Variants in SPAST observed in about 807,000 individuals in gnomAD.
SPAST encodes the protein spastin.
SPAST carries 30 observed loss-of-function variants against 76.6 expected under a neutral mutation model. That is an observed-to-expected ratio of 0.39 (90% confidence interval 0.29 to 0.53). The LOEUF is 0.53. Ranked by LOEUF, SPAST falls within the 20% of genes least tolerant of loss-of-function variation. The pLI is 0.68. For synonymous variants in SPAST, 305 were observed against 281.0 expected (o/e 1.09, Z -0.86); for missense variants, 717 against 770.5 (o/e 0.93, Z 0.82).
chr2:32,130,291 T>A (rs373456949), intron 9 of SPAST: 1 of 152,080 alleles, frequency 6.6e-6, no homozygotes, highest in East Asian at 1.9e-4. Flanking sequence ...CAAGACCACG[T>A]CTCAAAAACA....
intron 12 of SPAST, among the ~76,000 whole-genome samples, chr2:32,140,943 G>GTTT (rs35964074): frequency 7.7e-5 from 9 of 117,222 alleles, no homozygotes; most frequent in Non-Finnish European, 9.5e-5. Flanking sequence ...TGTTGTTGTT[G>GTTT]TTTTTTTTTT....
At chr2:32,115,226 G>C (rs1387011601) in intron 5 of SPAST, among the ~76,000 whole-genome samples, 5 of 152,262 alleles carry the variant, frequency 3.3e-5, no homozygotes, top group Non-Finnish European at 5.9e-5. Context: ...GGGATTACAG[G>C]CGTGAGCCAC....
chr2:32,107,163 T>C (rs1678355323), intron 4 of SPAST, among the ~76,000 whole-genome samples: 2 of 152,122 alleles, frequency 1.3e-5, no homozygotes, highest in Admixed American at 1.3e-4. Context: ...TTGAACTTTG[T>C]CTTATTTCAT....
chr2:32,119,742 C>A (rs1201152878), intron 7 of SPAST, among the ~76,000 whole-genome samples: 6 of 152,128 alleles, frequency 3.9e-5, no homozygotes, highest in Non-Finnish European at 8.8e-5. Context: ...CATGCCCTCT[C>A]CTCTCGCCCA....
At chr2:32,099,304 A>G (rs1474451814) in intron 4 of SPAST, among the ~76,000 whole-genome samples, 2 of 152,174 alleles carry the variant, frequency 1.3e-5, no homozygotes, top group African/African-American at 4.8e-5. Context: ...TTTCATTTAT[A>G]GTATATGTGA....
chr2:32,115,650 A>G, intron 5 of SPAST, 52 bp from the exon 6 acceptor site: 1 of 1,374,870 alleles, frequency 7.3e-7, no homozygotes. Flanking sequence ...TTATTTATGA[A>G]AAGTGTAAAT....
intron 12 of SPAST, among the ~76,000 whole-genome samples, chr2:32,138,378 A>G (rs1278084515): frequency 2.0e-5 from 3 of 152,156 alleles, no homozygotes; most frequent in Non-Finnish European, 4.4e-5. Context: ...ATTAATAGCC[A>G]TTCTGACTGG....
intron 3 of SPAST, among the ~76,000 whole-genome samples, chr2:32,090,717 C>G (rs1677675723): frequency 6.6e-6 from 1 of 152,096 alleles, no homozygotes; most frequent in Non-Finnish European, 1.5e-5. Flanking sequence ...GAAACCAGGT[C>G]TTTGTCATGT....
At chr2:32,128,936 G>A (rs2294179) in intron 9 of SPAST, 76,004 of 199,194 alleles carry the variant, frequency 0.38, 15,091 homozygotes, top group East Asian at 0.64. Context: ...TTCTCCCTGT[G>A]TCTGTCACCA....
chr2:32,091,599 G>A (rs951062334), intron 3 of SPAST, among the ~76,000 whole-genome samples: 22 of 150,052 alleles, frequency 1.5e-4, no homozygotes, highest in East Asian at 6.2e-4. Flanking sequence ...TTGGGAGGCC[G>A]AGGCGGGTGG....
Position 32,131,633 on chromosome 2 carries a change from G to A in SPAST, c.1245+3154G>A, listed in dbSNP as rs76385731. Among the ~76,000 whole-genome samples the A allele has an allele frequency of 1.9e-4, 28 of 150,864 alleles. No individual in the cohort carries two copies. In the East Asian group the frequency reaches 4.7e-3, roughly 25 times the overall value. On this transcript the variant is annotated intron_variant, in intron 9 of 16. Transcript: ENST00000315285. Reference sequence around the variant, plus strand: ...GAAACTAGGATTTGAGCTCCAGTGAGTGTGGCCTTTCATTAAAAATATTAC... The same window carrying A: ...GAAACTAGGATTTGAGCTCCAGTGAATGTGGCCTTTCATTAAAAATATTAC...
chr2:32,123,869 A>G (rs1457409410), intron 7 of SPAST, among the ~76,000 whole-genome samples: 3 of 152,220 alleles, frequency 2.0e-5, no homozygotes, highest in African/African-American at 7.2e-5. Flanking sequence ...ACAAAAATAA[A>G]TGGATCATAG....
intron 2 of SPAST, among the ~76,000 whole-genome samples, chr2:32,087,942 G>T (rs913492695): frequency 6.6e-6 from 1 of 151,440 alleles, no homozygotes; most frequent in Non-Finnish European, 1.5e-5. Context: ...GTAGTGCAAT[G>T]GTGCAATCTC....
At chr2:32,103,126 T>C (rs1678191242) in intron 4 of SPAST, among the ~76,000 whole-genome samples, 1 of 152,216 alleles carries the variant, frequency 6.6e-6, no homozygotes, top group Non-Finnish European at 1.5e-5. Flanking sequence ...GGCTATTAAT[T>C]ATTGCCTCAA....
intron 4 of SPAST, among the ~76,000 whole-genome samples, chr2:32,112,191 G>T (rs1558321652): frequency 1.3e-5 from 2 of 151,210 alleles, no homozygotes; most frequent in Non-Finnish European, 2.9e-5. Context: ...GACCTCAGAT[G>T]GACCACCTGC....
chr2:32,098,856 C>G lies in SPAST; in HGVS notation c.647C>G (p.Thr216Ser), dbSNP rs374578162. The change falls in exon 4 of 17, where the codon ACT becomes AGT. Residue 216 changes from threonine to serine, a missense_variant. Transcript: ENST00000315285. ...CAAACGGACGTCTATAATGACAGTA[C>G]TAACTTGGCATGCCGCAATGGACAT... is the stretch of plus-strand genomic sequence containing the variant. Reference protein sequence around the residue: ...KSQTDVYNDSTNLACRNGHLQ... With the variant: ...KSQTDVYNDSSNLACRNGHLQ... 6.2e-7 allele frequency: 1 copy of G among 1,613,754 alleles called. No individual in the cohort carries two copies. The highest frequency in any genetic ancestry group is 1.1e-5 in the South Asian group (1 of 91,074).
chr2:32,127,234 C>T (rs769168021), intron 8 of SPAST: 7 of 539,372 alleles, frequency 1.3e-5, no homozygotes, highest in Non-Finnish European at 2.0e-5. Context: ...TTTCATGCCT[C>T]AGCCTCCCAA....
chr2:32,139,463 T>C (rs535485924), intron 12 of SPAST, among the ~76,000 whole-genome samples: 12 of 152,160 alleles, frequency 7.9e-5, no homozygotes, highest in African/African-American at 2.4e-4. Flanking sequence ...TAGTACCATT[T>C]CTATACGCTA....
chr2:32,081,036 G>A (rs563158867), intron 1 of SPAST, among the ~76,000 whole-genome samples: 37 of 151,762 alleles, frequency 2.4e-4, no homozygotes, highest in African/African-American at 8.7e-4. Flanking sequence ...TTGGCTCACC[G>A]CAGCCTCCGC....
Sources: gnomAD v4.1 joint callset for allele counts (sites outside exome capture counted in the v4.1 genomes callset) on GRCh38, gnomAD v4.1.1 for gene constraint, MANE v1.5 for transcripts, NCBI Gene and HGNC (gene_info 2026-07-23, HGNC 2026-07-21) for gene names.